The following TF variants were observed in gnomAD, a reference collection of about 807,000 sequenced individuals.
The protein encoded by TF is transferrin, also known as serotransferrin.
A neutral mutation model predicts 82.4 loss-of-function variants in TF; 55 were observed. The ratio of observed to expected loss-of-function variants is 0.67; its 90% CI spans 0.54 to 0.84. The LOEUF is 0.84. TF is among the 40% of genes least tolerant of loss of function. The pLI, the probability that TF is intolerant of heterozygous loss-of-function variation, is 0.00. For synonymous variants in TF, 332 were observed against 332.6 expected (o/e 1.00, Z 0.02); for missense variants, 737 against 868.4 (o/e 0.85, Z 1.90).
chr3:133,697,884 C>A, the TF span, among the ~76,000 whole-genome samples: 2 of 152,246 alleles, frequency 1.3e-5, no homozygotes, highest in Non-Finnish European at 2.9e-5. Context: ...CAAAGACCAT[C>A]TGATGCAGGA....
chr3:133,786,867 T>C lies in TF; in HGVS notation c.*8247T>C, dbSNP rs536987300. 1 of 152,252 alleles carries C rather than the reference T, an allele frequency of 6.6e-6. No individual in the cohort carries two copies. The highest frequency in any genetic ancestry group is 2.4e-5 in the African/African-American group (1 of 41,470). The allele number at this position is 152,252 out of a possible 1,614,324, so 9.4% of individuals were successfully genotyped here. A position where few individuals can be genotyped will look rare whatever the true frequency, so the allele number is the denominator to read the frequency against. On this transcript the variant is annotated 3_prime_UTR_variant, in exon 17 of 17. Coordinates refer to ENST00000402696, the MANE Select transcript of TF (RefSeq NM_001063.4). ...ATCTTATCTATGTAGATGTTCAGAA[T>C]TGCCTGATGTATGTTAAGTGTAGAG... is the stretch of plus-strand genomic sequence containing the variant.
At chr3:133,742,464 G>T (rs1447030556), upstream of TF, among the ~76,000 whole-genome samples, 1 of 128,226 alleles carries the variant, frequency 7.8e-6, no homozygotes, top group Non-Finnish European at 1.9e-5. Context: ...GAGAGAGAGA[G>T]AAAGAGAGAG....
At chr3:133,675,981 G>T in the TF span, among the ~76,000 whole-genome samples, 1 of 152,156 alleles carries the variant, frequency 6.6e-6, no homozygotes, top group African/African-American at 2.4e-5. Flanking sequence ...GAGGAGAGAA[G>T]GGATTTTTTC....
intron 4 of TF, among the ~76,000 whole-genome samples, chr3:133,755,115 C>A (rs762779773): frequency 1.3e-5 from 2 of 152,236 alleles, no homozygotes; most frequent in Admixed American, 6.5e-5. Flanking sequence ...CTGAGAAAGA[C>A]CCGAGATAGG....
the TF span, among the ~76,000 whole-genome samples, chr3:133,679,203 A>T: frequency 2.0e-5 from 3 of 152,026 alleles, no homozygotes; most frequent in Non-Finnish European, 4.4e-5. Context: ...TTAAATTTTT[A>T]TAGAGATGGA....
chr3:133,754,659 C>T lies in TF; in HGVS notation c.490C>T (p.Pro164Ser), dbSNP rs1576357632. The T allele has an allele frequency of 6.2e-7, 1 of 1,614,202 alleles. No individual in the cohort carries two copies. Among genetic ancestry groups the T allele is most frequent in the Admixed American group, 1.7e-5 (1 of 60,034 alleles). Residue 164 changes from proline (P) to serine (S), a missense_variant, in exon 4 of 17, where the codon CCT (proline) becomes TCT (serine). By Grantham distance (74) the Pro-to-Ser change is moderately conservative (BLOSUM62 -1). Transcript: ENST00000402696. ...LYCDLPEPRK[P>S]LEKAVANFFS... The stretch of plus-strand genomic sequence containing the variant: ...CTGTGACTTACCTGAGCCACGTAAA[C>T]CTCTTGAGAAAGGTAAGCTGGCAGG...
At chr3:133,753,519 T>G in intron 2 of TF, 76 bp from the exon 3 acceptor site, 1 of 1,317,458 alleles carries the variant, frequency 7.6e-7, no homozygotes, top group Non-Finnish European at 1.1e-6. Context: ...TGGTAGCCAC[T>G]CTCTACTTGT....
At chr3:133,776,378 A>G (rs1021958949) in intron 15 of TF, among the ~76,000 whole-genome samples, 1 of 152,188 alleles carries the variant, frequency 6.6e-6, no homozygotes, top group African/African-American at 2.4e-5. Flanking sequence ...GCCCCTCCAC[A>G]CACACACATC....
chr3:133,751,851 C>T (rs1418458760), intron 2 of TF, among the ~76,000 whole-genome samples: 1 of 151,634 alleles, frequency 6.6e-6, no homozygotes, highest in Non-Finnish European at 1.5e-5. Context: ...AAAAATTAGC[C>T]GGGTGTGATG....
chr3:133,669,740 C>G, the TF span, among the ~76,000 whole-genome samples: 56,634 of 152,154 alleles, frequency 0.37, 11,724 homozygotes, highest in East Asian at 0.53. Flanking sequence ...CACTCCCACC[C>G]TAACAAATCA....
chr3:133,699,524 C>A, the TF span: 1 of 1,013,880 alleles, frequency 9.9e-7, no homozygotes, highest in African/African-American at 1.6e-5. Flanking sequence ...TAGTTGGATA[C>A]AAGGACTGCC....
At position 133,782,007 on chromosome 3, in the gene TF, T is replaced by C. The variant is rs1466859815; in HGVS notation, c.*3387T>C. Reference sequence around the variant, plus strand: ...AATGGGCAAAAACCTGAAAAGACATTTCTCCAAGAAGAAAAATGGCCAAGA... The same window carrying C: ...AATGGGCAAAAACCTGAAAAGACATCTCTCCAAGAAGAAAAATGGCCAAGA... On this transcript the variant is annotated 3_prime_UTR_variant, in exon 17 of 17. Coordinates refer to ENST00000402696, the MANE Select transcript of TF (RefSeq NM_001063.4). 6.6e-6 allele frequency: 1 copy of C among 152,086 alleles called. No homozygotes were observed. Among genetic ancestry groups the C allele is most frequent in the East Asian group, 1.9e-4 (1 of 5,196 alleles). 9.4% of individuals were successfully genotyped at this position (152,086 alleles called of 1,614,324 possible).
At chr3:133,775,652 C>A in intron 15 of TF, 35 bp downstream of exon 15, 2 of 1,609,566 alleles carry the variant, frequency 1.2e-6, no homozygotes, top group Non-Finnish European at 1.7e-6. Flanking sequence ...CCTTTTCTTC[C>A]TAGATGGCCA....
chr3:133,764,383 C>T, intron 10 of TF, 108 bp downstream of exon 10: 1 of 940,850 alleles, frequency 1.1e-6, no homozygotes, highest in Non-Finnish European at 1.7e-6. Context: ...AAAGCTTTCC[C>T]TCTCTGAGCA....
At chr3:133,721,282 G>C in the TF span, among the ~76,000 whole-genome samples, 28 of 151,932 alleles carry the variant, frequency 1.8e-4, 1 homozygote, top group African/African-American at 6.5e-4. Flanking sequence ...GTTTTAGTAC[G>C]ATGTGCTTCC....
chr3:133,777,554 C>A, intron 16 of TF: 1 of 287,382 alleles, frequency 3.5e-6, no homozygotes, highest in Non-Finnish European at 6.6e-6. Context: ...TTAGAGTTGC[C>A]TTGTCCAATA....
chr3:133,689,939 C>G, the TF span, among the ~76,000 whole-genome samples: 1 of 151,792 alleles, frequency 6.6e-6, no homozygotes, highest in Non-Finnish European at 1.5e-5. Context: ...TACATGTATA[C>G]TAGATTTAGA....
At position 133,787,031 on chromosome 3, in the gene TF, GA is replaced by G. The variant is rs1934704736; in HGVS notation, c.*8413del. Reference sequence around the variant, plus strand: ...TGTTCAATGGTTTAGAAATGGGAGGGAAGAAATTGCCAAAGGTAATATGCTA... The same window carrying G: ...TGTTCAATGGTTTAGAAATGGGAGGGAGAAATTGCCAAAGGTAATATGCTA... On this transcript the variant is annotated 3_prime_UTR_variant, in exon 17 of 17. Transcript: ENST00000402696. 6.6e-6 allele frequency: 1 copy of G among 152,176 alleles called. No homozygotes were observed. Among genetic ancestry groups the G allele is most frequent in the Non-Finnish European group, 1.5e-5 (1 of 68,038 alleles). 9.4% of individuals were successfully genotyped at this position (152,176 alleles called of 1,614,324 possible). A position where few individuals can be genotyped will look rare whatever the true frequency, so the allele number is the denominator to read the frequency against.
At chr3:133,685,050 G>A in the TF span, among the ~76,000 whole-genome samples, 15 of 152,222 alleles carry the variant, frequency 9.9e-5, no homozygotes, top group East Asian at 1.5e-3. Flanking sequence ...CTGGTTCAAC[G>A]TATGCAAATC....
Sources: gnomAD v4.1 joint callset for allele counts (sites outside exome capture counted in the v4.1 genomes callset) on GRCh38, gnomAD v4.1.1 for gene constraint, MANE v1.5 for transcripts, NCBI Gene and HGNC (gene_info 2026-07-23, HGNC 2026-07-21) for gene names.